Variants in IL1RAPL2 observed in about 807,000 individuals in gnomAD.
IL1RAPL2 encodes X-linked interleukin-1 receptor accessory protein-like 2.
IL1RAPL2 carries 3 observed loss-of-function variants against 44.1 expected under a neutral mutation model. The observed-to-expected ratio is 0.07, with a 90% confidence interval of 0.03 to 0.18. The LOEUF (loss-of-function observed/expected upper bound fraction) is 0.18, where lower values mean the gene tolerates loss of function less well. Among genes scored for constraint, IL1RAPL2 ranks in the 10% least tolerant of loss-of-function variants. IL1RAPL2 has a pLI of 1.00. For missense variants in IL1RAPL2, 391 were observed against 496.4 expected, an observed-to-expected ratio of 0.79 and a Z score of 2.02; for synonymous variants, 181 against 178.8, an observed-to-expected ratio of 1.01 and a Z score of -0.10.
chrX:105,210,743 C>G lies in IL1RAPL2; in HGVS notation c.356+14995C>G, dbSNP rs535616321. Reference sequence around the variant, plus strand: ...CTGGCCCCAAGTCCTGAATGACTGTCATAGATTCAACAGGAAACAAACTAA... The same window carrying G: ...CTGGCCCCAAGTCCTGAATGACTGTGATAGATTCAACAGGAAACAAACTAA... On this transcript the variant is annotated intron_variant, in intron 3 of 10. Transcript: ENST00000372582. Among the ~76,000 whole-genome samples the G allele has an allele frequency of 8.0e-3, 894 of 111,362 alleles. 9 individuals carry two copies. The highest frequency in any genetic ancestry group is 0.012 in the Non-Finnish European group (627 of 53,034).
At chrX:105,005,461 G>A (rs1315098862) in intron 2 of IL1RAPL2, among the ~76,000 whole-genome samples, 2 of 111,301 alleles carry the variant, frequency 1.8e-5, no homozygotes, top group Non-Finnish European at 3.8e-5. Flanking sequence ...ACTTAACCAC[G>A]ATGTGCATTT....
intron 1 of IL1RAPL2, among the ~76,000 whole-genome samples, chrX:104,631,778 C>T (rs1410198386): frequency 9.0e-6 from 1 of 110,793 alleles, no homozygotes; most frequent in Admixed American, 9.6e-5. Context: ...AAATTTTCTC[C>T]CATTCTGTAG....
At chrX:105,386,916 G>A (rs955607753) in intron 5 of IL1RAPL2, among the ~76,000 whole-genome samples, 9 of 111,374 alleles carry the variant, frequency 8.1e-5, no homozygotes, top group Admixed American at 5.7e-4. Flanking sequence ...CATTTTTCTC[G>A]TGTATAAAAT....
At chrX:105,219,200 G>C in intron 3 of IL1RAPL2, 1 of 1,211,033 alleles carries the variant, frequency 8.3e-7, no homozygotes. Context: ...TCGGAAGGCA[G>C]CTGAGGCGGA....
chrX:104,592,145 A>ATGTGTG (rs35940205), intron 1 of IL1RAPL2, among the ~76,000 whole-genome samples: 10,655 of 60,053 alleles, frequency 0.18, 1,268 homozygotes, highest in Non-Finnish European at 0.24. Flanking sequence ...ATGCCCGTAT[A>ATGTGTG]TGTGTGTGTG....
At chrX:104,815,555 G>A (rs954353088) in intron 2 of IL1RAPL2, among the ~76,000 whole-genome samples, 2 of 111,728 alleles carry the variant, frequency 1.8e-5, no homozygotes, top group Non-Finnish European at 3.8e-5. Context: ...TTTTATGAGA[G>A]ACAAATGGCT....
At chrX:105,443,883 G>A (rs779811311) in intron 5 of IL1RAPL2, among the ~76,000 whole-genome samples, 7 of 111,665 alleles carry the variant, frequency 6.3e-5, no homozygotes, top group African/African-American at 1.6e-4. Flanking sequence ...GGATCATATG[G>A]TAATTCTATT....
In IL1RAPL2 at chrX:105,325,541, T is replaced by TTA. The variant is rs3035842; in HGVS notation, c.697+58035_697+58036dup. ...TGTTTTCATTTTATCTCTCTTGGTT[T>TTA]TATATATATATATATATATATATAT... On this transcript the variant is annotated intron_variant, in intron 5 of 10. Transcript: ENST00000372582. Among the ~76,000 whole-genome samples the TTA allele has an allele frequency of 5.4e-3, 410 of 76,035 alleles. 6 individuals are homozygous for TTA. The highest frequency in any genetic ancestry group is 0.023 in the African/African-American group (333 of 14,315). 66.0% of individuals were successfully genotyped at this position (76,035 alleles called of 115,157 possible). A position where few individuals can be genotyped will look rare whatever the true frequency, so the allele number is the denominator to read the frequency against.
At chrX:105,375,248 A>C (rs2035378679) in intron 5 of IL1RAPL2, among the ~76,000 whole-genome samples, 1 of 111,108 alleles carries the variant, frequency 9.0e-6, no homozygotes, top group Non-Finnish European at 1.9e-5. Flanking sequence ...ATGGTGGCTC[A>C]TACCTGTAAT....
chrX:104,913,503 G>T (rs767611699), intron 2 of IL1RAPL2, among the ~76,000 whole-genome samples: 9 of 111,797 alleles, frequency 8.1e-5, no homozygotes, highest in Non-Finnish European at 1.7e-4. Context: ...TGGAATGTCT[G>T]TTTCCTGTCA....
chrX:104,637,038 A>G lies in IL1RAPL2; in HGVS notation c.-19-21857A>G, dbSNP rs73243891. ...TCCTTGTAGCAATCCTCCACCTCAT[A>G]GGTTAAATTTGTTCCTAGGTAGTTT... On this transcript the variant is annotated intron_variant, in intron 1 of 10. Transcript: ENST00000372582. Among the ~76,000 whole-genome samples, 760 of 105,167 alleles carry G rather than the reference A, an allele frequency of 7.2e-3. 4 individuals carry two copies. The highest frequency in any genetic ancestry group is 0.025 in the Middle Eastern group (5 of 203). 91.3% of individuals were successfully genotyped at this position (105,167 alleles called of 115,157 possible).
chrX:105,173,684 G>C (rs2033445367), intron 2 of IL1RAPL2, among the ~76,000 whole-genome samples: 1 of 110,717 alleles, frequency 9.0e-6, no homozygotes, highest in Non-Finnish European at 1.9e-5. Flanking sequence ...CTAGCATATG[G>C]AGTTGATGTT....
intron 6 of IL1RAPL2, among the ~76,000 whole-genome samples, chrX:105,670,057 T>TA: frequency 1.2e-5 from 1 of 86,336 alleles, no homozygotes; most frequent in Non-Finnish European, 2.3e-5. Flanking sequence ...TACATTTTTG[T>TA]AAAAAATCAG....
intron 2 of IL1RAPL2, among the ~76,000 whole-genome samples, chrX:105,152,499 A>G (rs2033236189): frequency 8.9e-6 from 1 of 112,380 alleles, no homozygotes; most frequent in African/African-American, 3.2e-5. Flanking sequence ...TAGATCATAC[A>G]TGGTGAGCAT....
At chrX:105,347,931 C>G (rs1014235416) in intron 5 of IL1RAPL2, among the ~76,000 whole-genome samples, 4 of 111,434 alleles carry the variant, frequency 3.6e-5, no homozygotes, top group African/African-American at 1.3e-4. Flanking sequence ...GACCACTACT[C>G]TAGGTATTCT....
chrX:104,597,780 G>T (rs1341443345), intron 1 of IL1RAPL2, among the ~76,000 whole-genome samples: 1 of 110,336 alleles, frequency 9.1e-6, no homozygotes, highest in Non-Finnish European at 1.9e-5. Flanking sequence ...GAAGCACCAT[G>T]AACAGAGGTG....
At chrX:104,989,623 G>A (rs1416733327) in intron 2 of IL1RAPL2, among the ~76,000 whole-genome samples, 1 of 111,281 alleles carries the variant, frequency 9.0e-6, no homozygotes, top group Admixed American at 9.6e-5. Flanking sequence ...GGGAAAAAAT[G>A]AACATATGAC....
At chrX:105,081,394 T>C (rs1401927924) in intron 2 of IL1RAPL2, among the ~76,000 whole-genome samples, 1 of 110,556 alleles carries the variant, frequency 9.0e-6, no homozygotes, top group Non-Finnish European at 1.9e-5. Context: ...CCTACAGGAG[T>C]TGAATTATTA....
chrX:104,886,505 C>T (rs1319451595), intron 2 of IL1RAPL2, among the ~76,000 whole-genome samples: 1 of 112,400 alleles, frequency 8.9e-6, no homozygotes, highest in African/African-American at 3.2e-5. Flanking sequence ...TAAGGAAATG[C>T]AGCAGTCCCT....
Sources: allele counts gnomAD v4.1 joint callset (sites outside exome capture counted in the v4.1 genomes callset), GRCh38; gene constraint gnomAD v4.1.1; transcripts MANE v1.5; gene names NCBI Gene and HGNC (gene_info 2026-07-23, HGNC 2026-07-21).